ATP11A: variants seen among roughly 807,000 people sequenced by gnomAD.
The protein encoded by ATP11A is ATPase phospholipid transporting 11A, also known as phospholipid-transporting ATPase IH.
Under a neutral mutation model 154.4 loss-of-function variants are expected in ATP11A, and 81 were observed. That is an observed-to-expected ratio of 0.52 (90% confidence interval 0.44 to 0.63). The LOEUF is 0.63. ATP11A is among the 30% of genes least tolerant of loss of function. The pLI is 0.00. For missense variants in ATP11A, 1,316 were observed against 1,474.3 expected (o/e 0.89, Z 1.76); for synonymous variants, 623 against 585.9 (o/e 1.06, Z -0.91).
At chr13:112,871,168 C>T (rs893591471) in intron 25 of ATP11A, among the ~76,000 whole-genome samples, 1 of 152,162 alleles carries the variant, frequency 6.6e-6, no homozygotes, top group South Asian at 2.1e-4. Flanking sequence ...TGCATTTACT[C>T]GCAGAACGTT....
chr13:112,786,658 C>T (rs944092588), intron 2 of ATP11A, among the ~76,000 whole-genome samples: 3 of 145,502 alleles, frequency 2.1e-5, no homozygotes, highest in Admixed American at 6.8e-5. Context: ...CCAGGTAATG[C>T]GGAACGCACG....
At chr13:112,735,359 C>T (rs143900972) in intron 1 of ATP11A, among the ~76,000 whole-genome samples, 26 of 152,316 alleles carry the variant, frequency 1.7e-4, no homozygotes, top group African/African-American at 3.6e-4. Context: ...TATAGCCTTC[C>T]GCGTGGCTGA....
In ATP11A at chr13:112,724,234, C is replaced by T. The variant is rs539827208; in HGVS notation, c.39+33779C>T. 7.6e-4 allele frequency among the ~76,000 whole-genome samples: 114 copies of T among 150,730 alleles called. 1 individual carries two copies. The highest frequency in any genetic ancestry group is 1.7e-3 in the Admixed American group (25 of 15,106). On this transcript the variant is annotated intron_variant, in intron 1 of 29. Transcript: ENST00000375645. ...ATTCCGACACTGCATGCCCTGAGTT[C>T]AAGTGGACCCCACAGGTTATGGGCT... is the stretch of plus-strand genomic sequence containing the variant.
chr13:112,719,887 C>T (rs1013228470), intron 1 of ATP11A, among the ~76,000 whole-genome samples: 6 of 152,182 alleles, frequency 3.9e-5, no homozygotes, highest in Non-Finnish European at 5.9e-5. Flanking sequence ...AAACAACAGT[C>T]TCCCATAATT....
chr13:112,761,787 C>G (rs1313525751), intron 1 of ATP11A, among the ~76,000 whole-genome samples: 1 of 152,224 alleles, frequency 6.6e-6, no homozygotes, highest in African/African-American at 2.4e-5. Flanking sequence ...CTTAGTCTGT[C>G]ACTTGTCAGC....
chr13:112,868,394 T>C (rs1033538325), intron 25 of ATP11A, among the ~76,000 whole-genome samples: 2 of 152,168 alleles, frequency 1.3e-5, no homozygotes, highest in African/African-American at 2.4e-5. Flanking sequence ...AAAGCTTCTA[T>C]AGGAATACCC....
At chr13:112,872,565 C>T (rs1429053994) in intron 26 of ATP11A, among the ~76,000 whole-genome samples, 1 of 152,224 alleles carries the variant, frequency 6.6e-6, no homozygotes, top group African/African-American at 2.4e-5. Flanking sequence ...GAGCCAAGAT[C>T]GCACCACTGC....
chr13:112,730,930 A>G (rs888748406), intron 1 of ATP11A, among the ~76,000 whole-genome samples: 3 of 152,104 alleles, frequency 2.0e-5, no homozygotes, highest in Admixed American at 6.6e-5. Flanking sequence ...TTCCGTAGAC[A>G]GTCTATTTAT....
At chr13:112,820,399 G>T (rs2078767564) in intron 8 of ATP11A, among the ~76,000 whole-genome samples, 1 of 152,220 alleles carries the variant, frequency 6.6e-6, no homozygotes, top group South Asian at 2.1e-4. Context: ...ACTGGCTCAA[G>T]GCCTATCTGA....
At chr13:112,728,858 C>T (rs1208255411) in intron 1 of ATP11A, among the ~76,000 whole-genome samples, 1 of 152,132 alleles carries the variant, frequency 6.6e-6, no homozygotes, top group Admixed American at 6.5e-5. Context: ...GTTCAAAATT[C>T]AAAGCTAAGA....
intron 1 of ATP11A, among the ~76,000 whole-genome samples, chr13:112,728,807 A>G (rs1383323408): frequency 2.6e-5 from 4 of 152,174 alleles, no homozygotes; most frequent in African/African-American, 7.2e-5. Context: ...ATCTTGATAT[A>G]GTTATGGACT....
At chr13:112,869,783 A>G (rs530121294) in intron 25 of ATP11A, among the ~76,000 whole-genome samples, 29 of 152,322 alleles carry the variant, frequency 1.9e-4, no homozygotes, top group Non-Finnish European at 3.1e-4. Flanking sequence ...TGCTGGCCAC[A>G]TGTGCTTGTA....
At chr13:112,730,057 G>A (rs1231896634) in intron 1 of ATP11A, among the ~76,000 whole-genome samples, 2 of 152,222 alleles carry the variant, frequency 1.3e-5, no homozygotes, top group Non-Finnish European at 2.9e-5. Flanking sequence ...GCTAAGTGCA[G>A]CTTCTCATGA....
intron 1 of ATP11A, among the ~76,000 whole-genome samples, chr13:112,731,408 G>A (rs951858180): frequency 3.3e-5 from 5 of 152,014 alleles, no homozygotes; most frequent in Non-Finnish European, 7.3e-5. Context: ...CTTGATGACT[G>A]CGCCACACAC....
chr13:112,877,872 G>T (rs1448441697), intron 28 of ATP11A, among the ~76,000 whole-genome samples: 1 of 152,208 alleles, frequency 6.6e-6, no homozygotes, highest in Non-Finnish European at 1.5e-5. Context: ...GGGAATGCCA[G>T]TGAGGACCCT....
At position 112,815,945 on chromosome 13, in the gene ATP11A, G is replaced by A. The variant is rs75957017; in HGVS notation, c.442-138G>A. 3,095 of 1,223,252 alleles carry A rather than the reference G, an allele frequency of 2.5e-3. 65 individuals carry two copies. In the African/African-American group the frequency reaches 0.042, roughly 16 times the overall value. 75.8% of individuals were successfully genotyped at this position (1,223,252 alleles called of 1,614,324 possible). A position where few individuals can be genotyped will look rare whatever the true frequency, so the allele number is the denominator to read the frequency against. ...GGTCCCAGCAGAATGTCTGGCAAGAGTCTTTTCCTGAAACCGTGTCCACAT... is the reference window on the plus strand; with the variant it reads ...GGTCCCAGCAGAATGTCTGGCAAGAATCTTTTCCTGAAACCGTGTCCACAT... On this transcript the variant is annotated intron_variant, in intron 5 of 29. Coordinates refer to ENST00000375645, the MANE Select transcript of ATP11A (RefSeq NM_015205.3).
At chr13:112,731,944 G>GGGGT (rs1890528402) in intron 1 of ATP11A, among the ~76,000 whole-genome samples, 2 of 143,956 alleles carry the variant, frequency 1.4e-5, no homozygotes, top group Admixed American at 6.9e-5. Flanking sequence ...GGGCGGGGGG[G>GGGGT]GGCAGGTGGC....
At chr13:112,874,474 G>A (rs1050920784) in intron 27 of ATP11A, among the ~76,000 whole-genome samples, 1 of 152,214 alleles carries the variant, frequency 6.6e-6, no homozygotes, top group Non-Finnish European at 1.5e-5. Flanking sequence ...GACTGTCGCT[G>A]TAAGCCAGGA....
At chr13:112,849,749 G>C (rs2079709755) in intron 17 of ATP11A, among the ~76,000 whole-genome samples, 2 of 152,240 alleles carry the variant, frequency 1.3e-5, no homozygotes. Flanking sequence ...GTCAGACACA[G>C]TGCCCACAGC....
Sources: gnomAD v4.1 joint callset for allele counts (sites outside exome capture counted in the v4.1 genomes callset) on GRCh38, gnomAD v4.1.1 for gene constraint, MANE v1.5 for transcripts, NCBI Gene and HGNC (gene_info 2026-07-23, HGNC 2026-07-21) for gene names.